The following PPEF1 variants were observed in gnomAD, a reference collection of about 807,000 sequenced individuals.
PPEF1 encodes the protein protein phosphatase with EF-hand domain 1, also known as serine/threonine-protein phosphatase with EF-hands 1.
A neutral mutation model predicts 53.3 loss-of-function variants in PPEF1; 12 were observed. The ratio of observed to expected loss-of-function variants is 0.23; its 90% CI spans 0.14 to 0.36. The LOEUF (loss-of-function observed/expected upper bound fraction) is 0.36. Ranked by LOEUF, PPEF1 falls within the 10% of genes least tolerant of loss-of-function variation. The pLI is 1.00. For missense variants in PPEF1, 334 were observed against 490.4 expected (o/e 0.68, Z 3.01); for synonymous variants, 165 against 176.7 (o/e 0.93, Z 0.52).
intron 13 of PPEF1, among the ~76,000 whole-genome samples, chrX:18,821,189 C>G (rs971520212): frequency 1.3e-4 from 13 of 99,362 alleles, no homozygotes; most frequent in African/African-American, 1.9e-4. Context: ...CGCCACTGCA[C>G]TCCAGACTGG....
At chrX:18,696,312 C>T (rs779246142) in intron 4 of PPEF1, among the ~76,000 whole-genome samples, 2 of 93,546 alleles carry the variant, frequency 2.1e-5, no homozygotes, top group Admixed American at 1.1e-4. Context: ...CCCACCACAC[C>T]CAGCTAATTT....
chrX:18,815,710 C>CT (rs1167280209), intron 12 of PPEF1, among the ~76,000 whole-genome samples: 1 of 109,641 alleles, frequency 9.1e-6, no homozygotes, highest in Non-Finnish European at 1.9e-5. Context: ...AGTCTTTTTT[C>CT]TTTTTTTTCT....
intron 6 of PPEF1, among the ~76,000 whole-genome samples, chrX:18,770,522 A>T (rs763791268): frequency 6.3e-5 from 7 of 111,729 alleles, no homozygotes; most frequent in African/African-American, 2.3e-4. Context: ...TCTCTTGAAG[A>T]CATGTGAGAT....
chrX:18,710,009 C>T (rs1160154721), intron 1 of PPEF1, among the ~76,000 whole-genome samples: 1 of 111,509 alleles, frequency 9.0e-6, no homozygotes, highest in Non-Finnish European at 1.9e-5. Context: ...ACATTTTCAG[C>T]GATAGTTGTT....
At chrX:18,725,886 G>C (rs747863489) in intron 1 of PPEF1, among the ~76,000 whole-genome samples, 2 of 110,982 alleles carry the variant, frequency 1.8e-5, no homozygotes, top group Non-Finnish European at 3.8e-5. Context: ...GGAACCCAGT[G>C]AACGTATTGT....
chrX:18,789,017 G>A, intron 9 of PPEF1, 104 bp from the exon 10 acceptor site: 1 of 969,155 alleles, frequency 1.0e-6, no homozygotes, highest in African/African-American at 1.9e-5. Flanking sequence ...GTTTTTCATT[G>A]GGTTGTGGCA....
intron 12 of PPEF1, among the ~76,000 whole-genome samples, chrX:18,809,463 T>C (rs1346433966): frequency 9.0e-6 from 1 of 110,678 alleles, no homozygotes; most frequent in Non-Finnish European, 1.9e-5. Flanking sequence ...CCCAGCACTT[T>C]GGGAGGCCGA....
At chrX:18,787,754 T>C (rs1280873627) in intron 9 of PPEF1, among the ~76,000 whole-genome samples, 1 of 23,534 alleles carries the variant, frequency 4.2e-5, no homozygotes, top group Non-Finnish European at 9.7e-5. Flanking sequence ...ACCCCATCTT[T>C]ACAAAAAAAA....
At chrX:18,720,791 C>G (rs2044573465) in intron 1 of PPEF1, among the ~76,000 whole-genome samples, 2 of 110,686 alleles carry the variant, frequency 1.8e-5, no homozygotes, top group Non-Finnish European at 3.8e-5. Context: ...TACTGGGTAT[C>G]TTCACTGTAC....
intron 8 of PPEF1, 110 bp downstream of exon 8, chrX:18,782,512 C>A: frequency 1.7e-6 from 1 of 575,008 alleles, no homozygotes; most frequent in Non-Finnish European, 2.7e-6. Context: ...GGTAATAGGC[C>A]AACTAGTCAG....
At chrX:18,824,266 C>G (rs1472245150) in intron 14 of PPEF1, among the ~76,000 whole-genome samples, 180 bp downstream of exon 14, 1 of 111,024 alleles carries the variant, frequency 9.0e-6, no homozygotes, top group Non-Finnish European at 1.9e-5. Context: ...ATGGTGAAGC[C>G]CCGTCTCTAC....
chrX:18,749,592 T>G (rs1163638608), intron 3 of PPEF1, among the ~76,000 whole-genome samples, 200 bp from the exon 4 acceptor site: 1 of 111,604 alleles, frequency 9.0e-6, no homozygotes, highest in Non-Finnish European at 1.9e-5. Context: ...CAGGAAGGGA[T>G]GGTGGTGACC....
At chrX:18,688,267 A>G (rs1292757368) in intron 3 of PPEF1, among the ~76,000 whole-genome samples, 2 of 112,128 alleles carry the variant, frequency 1.8e-5, no homozygotes, top group Non-Finnish European at 3.8e-5. Flanking sequence ...TTGTTTTCAC[A>G]TAGGCCACCA....
chrX:18,745,136 T>C (rs890760546), intron 3 of PPEF1, among the ~76,000 whole-genome samples: 2 of 94,356 alleles, frequency 2.1e-5, no homozygotes, highest in Non-Finnish European at 4.1e-5. Context: ...TATATAATTA[T>C]ATTATATATA....
At chrX:18,705,418 G>A (rs924462470), upstream of PPEF1, among the ~76,000 whole-genome samples, 7 of 111,976 alleles carry the variant, frequency 6.3e-5, no homozygotes, top group African/African-American at 3.2e-5. Flanking sequence ...AATGCCTATC[G>A]AATTTGGAAA....
rs142334879 is a variant in PPEF1 at position 18,827,351 on chromosome X, C to T, written c.1826C>T (p.Ser609Phe). ...CACTACAATGTTCACATTGATGATT[C>T]CCAAGTCAATAAGCTTGCCAACATA... ...SSHYNVHIDD[S>F]QVNKLANIMD... The change falls in exon 16 of 16, where the codon TCC becomes TTC. Residue 609 changes from serine (S) to phenylalanine (F), a missense_variant. Physicochemically the swap from Ser to Phe is radical, Grantham distance 155. Transcript: ENST00000470157. 1.7e-6 allele frequency: 2 copies of T among 1,209,794 alleles called. No individual in the cohort carries two copies. The highest frequency in any genetic ancestry group is 2.2e-6 in the Non-Finnish European group (2 of 893,679).
chrX:18,777,754 CT>C (rs72492026), intron 6 of PPEF1, among the ~76,000 whole-genome samples: 8 of 98,281 alleles, frequency 8.1e-5, no homozygotes, highest in Non-Finnish European at 8.3e-5. Context: ...TCTTTTCTTT[CT>C]TTTTTTTTTA....
intron 3 of PPEF1, among the ~76,000 whole-genome samples, chrX:18,744,191 TA>T (rs1047305230): frequency 1.6e-4 from 18 of 112,252 alleles, no homozygotes; most frequent in African/African-American, 5.8e-4. Context: ...GCGCCCGGCC[TA>T]AATAGGATAT....
At chrX:18,797,935 CG>C (rs774326806) in intron 10 of PPEF1, among the ~76,000 whole-genome samples, 7 of 3,011 alleles carry the variant, frequency 2.3e-3, no homozygotes, top group Non-Finnish European at 3.8e-3. Context: ...CCTCATGATC[CG>C]CCCTGCCTCG....
Sources: allele counts gnomAD v4.1 joint callset (sites outside exome capture counted in the v4.1 genomes callset), GRCh38; gene constraint gnomAD v4.1.1; transcripts MANE v1.5; gene names NCBI Gene and HGNC (gene_info 2026-07-23, HGNC 2026-07-21).